PITPNC1: variants seen among roughly 807,000 people sequenced by gnomAD.
PITPNC1 encodes cytoplasmic phosphatidylinositol transfer protein 1.
PITPNC1 carries 18 observed loss-of-function variants against 44.7 expected under a neutral mutation model. That is an observed-to-expected ratio of 0.40 (90% CI 0.28 to 0.60). The LOEUF is 0.60. PITPNC1 is among the 20% of genes least tolerant of loss of function. The probability of loss-of-function intolerance (pLI) is 0.39; values close to 1 mark genes in which losing one functional copy is unlikely to be tolerated. For synonymous variants in PITPNC1, 141 were observed against 149.6 expected, an observed-to-expected ratio of 0.94 and a Z score of 0.42; for missense variants, 290 against 418.4, an observed-to-expected ratio of 0.69 and a Z score of 2.68.
At chr17:67,528,860 C>G (rs915153269) in intron 1 of PITPNC1, among the ~76,000 whole-genome samples, 1 of 152,270 alleles carries the variant, frequency 6.6e-6, no homozygotes, top group East Asian at 1.9e-4. Flanking sequence ...CTCCCCCAAA[C>G]GAGAAACTGC....
intron 4 of PITPNC1, among the ~76,000 whole-genome samples, chr17:67,561,310 G>T (rs2040903589): frequency 6.6e-6 from 1 of 152,138 alleles, no homozygotes; most frequent in South Asian, 2.1e-4. Context: ...ACAAAAATTA[G>T]CTGGGCGTGG....
At chr17:67,570,399 C>T (rs1178248998) in intron 4 of PITPNC1, among the ~76,000 whole-genome samples, 1 of 152,200 alleles carries the variant, frequency 6.6e-6, no homozygotes, top group Non-Finnish European at 1.5e-5. Flanking sequence ...CAGATCTGCT[C>T]TGTGGTTTGG....
intron 5 of PITPNC1, among the ~76,000 whole-genome samples, chr17:67,587,710 A>G (rs977578590): frequency 5.3e-5 from 8 of 152,186 alleles, no homozygotes; most frequent in African/African-American, 1.9e-4. Flanking sequence ...CTAATTTTCA[A>G]TCACTGGGCT....
At chr17:67,507,750 G>T (rs2040126427) in intron 1 of PITPNC1, among the ~76,000 whole-genome samples, 1 of 151,544 alleles carries the variant, frequency 6.6e-6, no homozygotes, top group South Asian at 2.1e-4. Flanking sequence ...CCAGGGGCAG[G>T]AGAGCATTTA....
chr17:67,672,555 C>T (rs1038878338), intron 7 of PITPNC1, among the ~76,000 whole-genome samples: 2 of 151,426 alleles, frequency 1.3e-5, no homozygotes, highest in African/African-American at 2.4e-5. Context: ...GCCTAGGTCG[C>T]GCCACTGCAC....
intron 5 of PITPNC1, among the ~76,000 whole-genome samples, chr17:67,587,173 A>C (rs2041329409): frequency 6.6e-6 from 1 of 152,110 alleles, no homozygotes; most frequent in Non-Finnish European, 1.5e-5. Flanking sequence ...TGAGACTGCC[A>C]AGTGGAAATG....
chr17:67,475,390 C>G (rs999043941), intron 1 of PITPNC1, among the ~76,000 whole-genome samples: 1 of 152,122 alleles, frequency 6.6e-6, no homozygotes, highest in African/African-American at 2.4e-5. Flanking sequence ...ATAAAACAGC[C>G]CGGGGTGTTT....
At chr17:67,409,570 C>T (rs983036063) in intron 1 of PITPNC1, among the ~76,000 whole-genome samples, 3 of 151,470 alleles carry the variant, frequency 2.0e-5, no homozygotes, top group Non-Finnish European at 4.4e-5. Context: ...CGGAGTTTCA[C>T]TCTTGTTGCC....
chr17:67,441,706 G>T (rs1454000385), intron 1 of PITPNC1, among the ~76,000 whole-genome samples: 3 of 152,178 alleles, frequency 2.0e-5, no homozygotes, highest in African/African-American at 7.2e-5. Flanking sequence ...AGTGACAGAA[G>T]AGTGTCACTA....
Position 67,509,852 on chromosome 17 carries a change from A to G in PITPNC1, c.49-22950A>G, listed in dbSNP as rs146446469. Among the ~76,000 whole-genome samples, 316 of 152,262 alleles carry G rather than the reference A, an allele frequency of 2.1e-3. 2 individuals carry two copies. The highest frequency in any genetic ancestry group is 7.2e-3 in the African/African-American group (301 of 41,542). On this transcript the variant is annotated intron_variant, in intron 1 of 8. Coordinates refer to ENST00000581322, the MANE Select transcript of PITPNC1 (RefSeq NM_012417.4). ...TTTTATTTGGGGGAATTTTGGGTCA[A>G]TTCGTCTTCTCTGAGCAAGCCTAAT...
rs539636120 is a variant in PITPNC1 at position 67,378,946 on chromosome 17, C to T, written c.48+744C>T. ...GGCCGCGGCTGCCGGCTGGGGGCGC[C>T]GGGCGCGGGGCGGGGGCTCGTCCTC... On this transcript the variant is annotated intron_variant, in intron 1 of 8. Coordinates refer to ENST00000581322, the MANE Select transcript of PITPNC1 (RefSeq NM_012417.4). The T allele has an allele frequency of 2.0e-3, 1,998 of 984,424 alleles. 31 individuals carry two copies. In the African/African-American group the frequency reaches 0.032, roughly 16 times the overall value. The allele number at this position is 984,424 out of a possible 1,614,324, so 61.0% of individuals were successfully genotyped here. A position where few individuals can be genotyped will look rare whatever the true frequency, so the allele number is the denominator to read the frequency against.
At chr17:67,550,212 AT>A (rs1416456620) in intron 2 of PITPNC1, among the ~76,000 whole-genome samples, 2 of 152,160 alleles carry the variant, frequency 1.3e-5, no homozygotes, top group Admixed American at 6.5e-5. Flanking sequence ...AGCAAGAAGG[AT>A]TGTTATGTGA....
rs1191296746 is a variant in PITPNC1, at chr17:67,575,795, CTTCTTTCTTTCT to C, written c.295-2375_295-2364del. Among the ~76,000 whole-genome samples, 475 of 130,766 alleles carry C rather than the reference CTTCTTTCTTTCT, an allele frequency of 3.6e-3. 2 individuals are homozygous for C. Among genetic ancestry groups the C allele is most frequent in the Middle Eastern group, 0.022 (6 of 274 alleles). 85.8% of individuals were successfully genotyped at this position (130,766 alleles called of 152,430 possible). On this transcript the variant is annotated intron_variant, in intron 4 of 8. Coordinates refer to ENST00000581322, the MANE Select transcript of PITPNC1 (RefSeq NM_012417.4). The stretch of plus-strand genomic sequence containing the variant: ...TTTCTTTCTTTCTTTTCTTTCTTTC[CTTCTTTCTTTCT>C]TTCTTTCTTTCTTTCCTTCCTTCCT...
chr17:67,444,531 G>A (rs1342035293), intron 1 of PITPNC1, among the ~76,000 whole-genome samples: 3 of 152,072 alleles, frequency 2.0e-5, no homozygotes, highest in Non-Finnish European at 4.4e-5. Context: ...TAATGCAAGG[G>A]CTAAGGAAAA....
At chr17:67,571,376 G>A (rs1002870912) in intron 4 of PITPNC1, among the ~76,000 whole-genome samples, 3 of 152,196 alleles carry the variant, frequency 2.0e-5, no homozygotes, top group African/African-American at 7.2e-5. Flanking sequence ...AGGCTGCGGC[G>A]AGCTGAGCTA....
At chr17:67,671,744 G>T (rs2042516427) in intron 7 of PITPNC1, among the ~76,000 whole-genome samples, 1 of 152,118 alleles carries the variant, frequency 6.6e-6, no homozygotes, top group Admixed American at 6.6e-5. Flanking sequence ...AGGATCTCCT[G>T]TTTTCCTCCT....
At chr17:67,427,509 G>A (rs921270050) in intron 1 of PITPNC1, among the ~76,000 whole-genome samples, 4 of 152,150 alleles carry the variant, frequency 2.6e-5, no homozygotes, top group Admixed American at 6.6e-5. Context: ...ACTGCACCCA[G>A]CCATGCTTTC....
intron 8 of PITPNC1, 141 bp from the exon 9 acceptor site, chr17:67,692,431 A>T (rs1418440666): frequency 1.6e-6 from 1 of 629,388 alleles, no homozygotes; most frequent in Non-Finnish European, 2.8e-6. Context: ...TGGTATTTCA[A>T]TGATACTTTG....
intron 5 of PITPNC1, among the ~76,000 whole-genome samples, chr17:67,599,029 TATA>T (rs1229719024): frequency 3.5e-4 from 11 of 31,350 alleles, no homozygotes; most frequent in South Asian, 1.2e-3. Context: ...TATATATATA[TATA>T]TATTTTTTTT....
Sources: allele counts gnomAD v4.1 joint callset (sites outside exome capture counted in the v4.1 genomes callset), GRCh38; gene constraint gnomAD v4.1.1; transcripts MANE v1.5; gene names NCBI Gene and HGNC (gene_info 2026-07-23, HGNC 2026-07-21).